The following NOD1 variants were observed in gnomAD, a reference collection of about 807,000 sequenced individuals.
NOD1 encodes nucleotide-binding oligomerization domain-containing protein 1.
In NOD1, 70 loss-of-function variants were observed where a neutral mutation model predicts 81.2. That is an observed-to-expected ratio of 0.86 (90% CI 0.71 to 1.05). The LOEUF (loss-of-function observed/expected upper bound fraction) is 1.05. NOD1 is among the 50% of genes least tolerant of loss of function. The pLI is 0.00. For synonymous variants in NOD1, 508 were observed against 526.9 expected (o/e 0.96, Z 0.49); for missense variants, 1,233 against 1,228.0 (o/e 1.00, Z -0.06).
chr7:30,434,938 TG>T (rs1784255485), intron 11 of NOD1, among the ~76,000 whole-genome samples: 1 of 150,580 alleles, frequency 6.6e-6, no homozygotes, highest in Non-Finnish European at 1.5e-5. Context: ...CTGTAAGGAA[TG>T]TTTTTTTTTT....
Position 30,429,471 on chromosome 7 carries a change from A to T in NOD1, c.2706-14T>A. The stretch of plus-strand genomic sequence containing the variant: ...TTCTGGATAAGCCTGAAAGAAGAAC[A>T]TAACTTGTATAAAATCCATAATACT... On this transcript the variant is annotated splice_polypyrimidine_tract_variant and intron_variant, in intron 12 of 13. Coordinates refer to ENST00000222823, the MANE Select transcript of NOD1 (RefSeq NM_006092.4). 1 of 1,610,564 alleles carries T rather than the reference A, an allele frequency of 6.2e-7. No homozygotes were observed. The highest frequency in any genetic ancestry group is 8.5e-7 in the Non-Finnish European group (1 of 1,176,734).
At position 30,446,138 on chromosome 7, in the gene NOD1, C is replaced by T. The variant is rs1406826128; in HGVS notation, c.2453+3G>A. On this transcript the variant is annotated splice_donor_region_variant and intron_variant, in intron 9 of 13. Coordinates refer to ENST00000222823, the MANE Select transcript of NOD1 (RefSeq NM_006092.4). ...CCACATACATCCATCCCCTTCTACT[C>T]ACCCAACCTCAGAGATTGATTTGCT... is the stretch of plus-strand genomic sequence containing the variant. The T allele has an allele frequency of 6.2e-7, 1 of 1,610,496 alleles. No homozygotes were observed. The highest frequency in any genetic ancestry group is 8.5e-7 in the Non-Finnish European group (1 of 1,176,874).
At chr7:30,456,083 G>A (rs1376275883) in intron 4 of NOD1, among the ~76,000 whole-genome samples, 5 of 152,196 alleles carry the variant, frequency 3.3e-5, no homozygotes, top group African/African-American at 7.2e-5. Flanking sequence ...CAAGAGAAGA[G>A]AACAAAGCAC....
chr7:30,475,073 G>A (rs1279107552), intron 1 of NOD1, among the ~76,000 whole-genome samples: 1 of 152,142 alleles, frequency 6.6e-6, no homozygotes, highest in Non-Finnish European at 1.5e-5. Context: ...AAGAAGCAGG[G>A]GAAGTTCTTA....
At position 30,467,109 on chromosome 7, in the gene NOD1, G is replaced by T. The variant is rs1335928611; in HGVS notation, c.-351-7068C>A. Among the ~76,000 whole-genome samples the T allele has an allele frequency of 1.9e-4, 29 of 152,198 alleles. No homozygotes were observed. ...CATAGAAAGAGCCTTAAGACATCCT[G>T]TCACTTGAAAAATGTAAGTTGCAGA... On this transcript the variant is annotated intron_variant, in intron 1 of 13. Coordinates refer to ENST00000222823, the MANE Select transcript of NOD1 (RefSeq NM_006092.4). The surrounding 1 kb of genome is among the most constrained non-coding windows in gnomAD (Gnocchi z 4.5).
chr7:30,430,796 C>T (rs1039256111), intron 12 of NOD1, among the ~76,000 whole-genome samples: 1 of 152,196 alleles, frequency 6.6e-6, no homozygotes, highest in African/African-American at 2.4e-5. Flanking sequence ...ACTGTTACTG[C>T]CCAAGCACAC....
chr7:30,448,209 G>A (rs1305158123), intron 7 of NOD1, 89 bp downstream of exon 7: 17 of 1,110,588 alleles, frequency 1.5e-5, no homozygotes, highest in Non-Finnish European at 2.1e-5. Context: ...CATCCGTGCC[G>A]ATCATCCAGG....
intron 1 of NOD1, among the ~76,000 whole-genome samples, chr7:30,464,888 G>A (rs1453529445): frequency 2.0e-5 from 3 of 152,154 alleles, no homozygotes; most frequent in Non-Finnish European, 4.4e-5. Context: ...AGTAATGAGC[G>A]AATCATTTAC....
At chr7:30,450,769 T>A (rs533070584) in intron 6 of NOD1, among the ~76,000 whole-genome samples, 7 of 152,246 alleles carry the variant, frequency 4.6e-5, no homozygotes, top group Non-Finnish European at 7.3e-5. Flanking sequence ...ATGTCTGAGC[T>A]GTGTGACCTA....
At chr7:30,471,443 C>G (rs1788265913) in intron 1 of NOD1, among the ~76,000 whole-genome samples, 1 of 152,226 alleles carries the variant, frequency 6.6e-6, no homozygotes, top group African/African-American at 2.4e-5. Flanking sequence ...AGTGCAGATG[C>G]CTGGAAGCAG....
rs536124235 is a variant in NOD1 at position 30,425,430 on chromosome 7, T to C, written c.*208A>G. 1 of 597,206 alleles carries C rather than the reference T, an allele frequency of 1.7e-6. No homozygotes were observed. The highest frequency in any genetic ancestry group is 3.0e-6 in the Non-Finnish European group (1 of 333,640). 37.0% of individuals were successfully genotyped at this position (597,206 alleles called of 1,614,324 possible). On this transcript the variant is annotated 3_prime_UTR_variant, in exon 14 of 14. Transcript: ENST00000222823. Reference sequence around the variant, plus strand: ...AACTACAACAGCTCGCAAGACACATTCTTTTTCTGCAGAATTGTAGCGGGT... The same window carrying C: ...AACTACAACAGCTCGCAAGACACATCCTTTTTCTGCAGAATTGTAGCGGGT...
chr7:30,435,443 C>T (rs1784298908), intron 11 of NOD1, among the ~76,000 whole-genome samples: 1 of 152,194 alleles, frequency 6.6e-6, no homozygotes, highest in Non-Finnish European at 1.5e-5. Flanking sequence ...CGTTCTAGTT[C>T]TCCTGGGGCC....
intron 9 of NOD1, among the ~76,000 whole-genome samples, chr7:30,438,108 G>C (rs1269177653): frequency 6.6e-6 from 1 of 152,196 alleles, no homozygotes; most frequent in Non-Finnish European, 1.5e-5. Context: ...TGAAGACACA[G>C]TCTTCCAGGA....
chr7:30,455,737 G>A (rs1320864005), intron 4 of NOD1, among the ~76,000 whole-genome samples: 1 of 152,120 alleles, frequency 6.6e-6, no homozygotes, highest in Non-Finnish European at 1.5e-5. Context: ...AAGTGGCTGG[G>A]ATTACAGGCA....
chr7:30,427,875 T>C (rs1373629788), intron 13 of NOD1, among the ~76,000 whole-genome samples: 1 of 152,178 alleles, frequency 6.6e-6, no homozygotes, highest in Non-Finnish European at 1.5e-5. Flanking sequence ...TCTGGCAGTC[T>C]CCTTCCTCTC....
chr7:30,433,532 GGT>G, intron 11 of NOD1: 2 of 286,842 alleles, frequency 7.0e-6, no homozygotes, highest in Non-Finnish European at 6.6e-6. Context: ...CTAGTCCCAG[GGT>G]CCCTTGAACA....
chr7:30,438,350 C>T (rs546263126), intron 9 of NOD1, among the ~76,000 whole-genome samples: 1 of 152,132 alleles, frequency 6.6e-6, no homozygotes, highest in Non-Finnish European at 1.5e-5. Context: ...GTGTGAACTT[C>T]GGGAAATTAT....
intron 8 of NOD1, 169 bp from the exon 9 acceptor site, chr7:30,446,393 A>C (rs1785089528): frequency 1.6e-6 from 1 of 626,038 alleles, no homozygotes; most frequent in African/African-American, 1.8e-5. Flanking sequence ...AGGGAACTGA[A>C]GCCCTGAGGA....
rs760798429 is a variant in NOD1 at position 30,429,366 on chromosome 7, G to T, written c.2789+8C>A. 5.0e-6 allele frequency: 8 copies of T among 1,611,358 alleles called. No homozygotes were observed. The highest frequency in any genetic ancestry group is 6.8e-6 in the Non-Finnish European group (8 of 1,177,388). ...GTGTTATTACTGTGACAAACGCTGGGATCTTACCAAATCTCTGTTATGCCA... is the reference window on the plus strand; with the variant it reads ...GTGTTATTACTGTGACAAACGCTGGTATCTTACCAAATCTCTGTTATGCCA... On this transcript the variant is annotated splice_region_variant and intron_variant, in intron 13 of 13. Transcript: ENST00000222823.
Sources: allele counts gnomAD v4.1 joint callset (sites outside exome capture counted in the v4.1 genomes callset), GRCh38; gene constraint gnomAD v4.1.1; non-coding constraint Gnocchi (gnomAD v3.1); transcripts MANE v1.5; gene names NCBI Gene and HGNC (gene_info 2026-07-23, HGNC 2026-07-21).